Variants in VAV2 observed in about 807,000 individuals in gnomAD.
VAV2 encodes guanine nucleotide exchange factor VAV2.
In VAV2, 67 loss-of-function variants were observed where a neutral mutation model predicts 132.5. The ratio of observed to expected loss-of-function variants is 0.51; its 90% confidence interval spans 0.42 to 0.62. The LOEUF (loss-of-function observed/expected upper bound fraction) is 0.62, where lower values mean the gene tolerates loss of function less well. Among genes scored for constraint, VAV2 ranks in the 20% least tolerant of loss-of-function variants. The pLI is 0.00. For missense variants in VAV2, 938 were observed against 1,153.6 expected (o/e 0.81, Z 2.71); for synonymous variants, 492 against 443.5 (o/e 1.11, Z -1.37).
intron 6 of VAV2, among the ~76,000 whole-genome samples, chr9:133,809,399 C>G (rs2486330): frequency 0.44 from 67,354 of 152,064 alleles, 16,865 homozygotes; most frequent in African/African-American, 0.69. Context: ...GGAGGCAGAG[C>G]CTTCTAGAAT....
chr9:133,864,514 G>T (rs1036832797), intron 2 of VAV2, among the ~76,000 whole-genome samples: 1 of 152,200 alleles, frequency 6.6e-6, no homozygotes, highest in African/African-American at 2.4e-5. Context: ...ACCATGGCCT[G>T]CTCTGACCTC....
At chr9:133,916,136 C>T (rs995858824) in intron 2 of VAV2, among the ~76,000 whole-genome samples, 2 of 152,220 alleles carry the variant, frequency 1.3e-5, no homozygotes, top group South Asian at 2.1e-4. Context: ...GCACAGGCCA[C>T]GGCTGCTCCC....
chr9:133,861,294 C>T lies in VAV2; in HGVS notation c.380+80G>A, dbSNP rs1339758795. On this transcript the variant is annotated intron_variant, in intron 3 of 29. Coordinates refer to ENST00000371850, the MANE Select transcript of VAV2 (RefSeq NM_001134398.2). ...CAGGCAGAGGGCATCTGCTTCCAACCCCAGTATCTGTGACAAGGCACGCTG... is the reference window on the plus strand; with the variant it reads ...CAGGCAGAGGGCATCTGCTTCCAACTCCAGTATCTGTGACAAGGCACGCTG... 6.8e-6 allele frequency: 10 copies of T among 1,470,642 alleles called. No homozygotes were observed. In the Admixed American group the frequency reaches 8.9e-5, roughly 13 times the overall value. The allele number at this position is 1,470,642 out of a possible 1,614,324, so 91.1% of individuals were successfully genotyped here.
At chr9:133,893,561 C>T (rs1011733544) in intron 2 of VAV2, among the ~76,000 whole-genome samples, 13 of 152,328 alleles carry the variant, frequency 8.5e-5, no homozygotes, top group South Asian at 2.1e-4. Flanking sequence ...CCAAGATGGC[C>T]GACACCCACT....
chr9:133,892,955 CAA>C (rs1839038906), intron 2 of VAV2, among the ~76,000 whole-genome samples: 1 of 152,204 alleles, frequency 6.6e-6, no homozygotes, highest in African/African-American at 2.4e-5. Context: ...TGATGTCTCA[CAA>C]AAAGACTTCA....
rs532794707 is a variant in VAV2, at chr9:133,833,527, G to A, written c.449+745C>T. Among the ~76,000 whole-genome samples, 104 of 152,280 alleles carry A rather than the reference G, an allele frequency of 6.8e-4. No homozygotes were observed. Among genetic ancestry groups the A allele is most frequent in the African/African-American group, 2.2e-3 (92 of 41,574 alleles). Reference sequence around the variant, plus strand: ...CCATCTCCCGGTGGCCTGGGAGGGTGGTGGATGAGCCAGGCCGTGAGGCCC... The same window carrying A: ...CCATCTCCCGGTGGCCTGGGAGGGTAGTGGATGAGCCAGGCCGTGAGGCCC... On this transcript the variant is annotated intron_variant, in intron 4 of 29. Coordinates refer to ENST00000371850, the MANE Select transcript of VAV2 (RefSeq NM_001134398.2). The surrounding 1 kb of genome is among the most constrained non-coding windows in gnomAD (Gnocchi z 5.6).
intron 2 of VAV2, among the ~76,000 whole-genome samples, chr9:133,886,047 C>T (rs541915177): frequency 2.0e-5 from 3 of 152,264 alleles, no homozygotes; most frequent in South Asian, 2.1e-4. Context: ...AGCTGGGGGG[C>T]GGGAAGGCCC....
At chr9:133,931,818 G>A (rs1348248750) in intron 2 of VAV2, among the ~76,000 whole-genome samples, 1 of 152,222 alleles carries the variant, frequency 6.6e-6, no homozygotes, top group Non-Finnish European at 1.5e-5. Flanking sequence ...GGATCCCAAT[G>A]ACAATGCCAT....
intron 2 of VAV2, among the ~76,000 whole-genome samples, chr9:133,921,655 T>C: frequency 6.6e-6 from 1 of 152,184 alleles, no homozygotes; most frequent in East Asian, 1.9e-4. Flanking sequence ...GGGGTTAATA[T>C]CCACAATATG....
chr9:133,929,670 C>T (rs1309465767), intron 2 of VAV2, among the ~76,000 whole-genome samples: 1 of 152,126 alleles, frequency 6.6e-6, no homozygotes, highest in Non-Finnish European at 1.5e-5. Flanking sequence ...AACCCAGGGC[C>T]AGAGGGACTG....
intron 2 of VAV2, among the ~76,000 whole-genome samples, chr9:133,886,939 G>A (rs773754808): frequency 3.3e-5 from 5 of 152,222 alleles, no homozygotes; most frequent in East Asian, 1.9e-4. Context: ...GGGCAGAGGC[G>A]GCCCTTCAGG....
chr9:133,808,770 G>C (rs1026586711), intron 7 of VAV2, among the ~76,000 whole-genome samples: 1 of 152,242 alleles, frequency 6.6e-6, no homozygotes, highest in East Asian at 1.9e-4. Context: ...ATGTTCAGGA[G>C]CTGAAGCCGT....
chr9:133,917,250 C>G (rs1840125409), intron 2 of VAV2, among the ~76,000 whole-genome samples: 1 of 152,070 alleles, frequency 6.6e-6, no homozygotes, highest in Non-Finnish European at 1.5e-5. Flanking sequence ...TGATGTGAAC[C>G]CATTTTCAGG....
At position 133,797,645 on chromosome 9, in the gene VAV2, C is replaced by A. The variant is rs546456037; in HGVS notation, c.936+65G>T. The A allele has an allele frequency of 6.3e-6, 9 of 1,427,372 alleles. No homozygotes were observed. In the African/African-American group the frequency reaches 8.5e-5, roughly 13 times the overall value. The allele number at this position is 1,427,372 out of a possible 1,614,324, so 88.4% of individuals were successfully genotyped here. On this transcript the variant is annotated intron_variant, in intron 10 of 29. Coordinates refer to ENST00000371850, the MANE Select transcript of VAV2 (RefSeq NM_001134398.2). ...GGGCAAGAGAGAGGCTGGTACCTAA[C>A]GAGCTCTGGCCTGCAAGCTGCAACC...
intron 13 of VAV2, 29 bp downstream of exon 13, chr9:133,791,754 C>A (rs76660681): frequency 6.3e-7 from 1 of 1,598,692 alleles, no homozygotes; most frequent in Admixed American, 1.7e-5. Flanking sequence ...CATCGACCTT[C>A]CCTAGCCTGA....
chr9:133,895,484 C>T (rs1218645889), intron 2 of VAV2, among the ~76,000 whole-genome samples: 1 of 152,202 alleles, frequency 6.6e-6, no homozygotes, highest in Non-Finnish European at 1.5e-5. Flanking sequence ...ACTATCACGC[C>T]GACGTGAAAA....
intron 1 of VAV2, among the ~76,000 whole-genome samples, chr9:133,970,808 C>T (rs1244850670): frequency 1.3e-5 from 2 of 152,206 alleles, no homozygotes; most frequent in Non-Finnish European, 2.9e-5. Context: ...TAGCAGGCCA[C>T]TCCTCAATCA....
chr9:133,809,466 G>C (rs932476325), intron 6 of VAV2, among the ~76,000 whole-genome samples: 1 of 152,200 alleles, frequency 6.6e-6, no homozygotes, highest in African/African-American at 2.4e-5. Context: ...CTGGGGTGAG[G>C]GCCTCAGAAG....
intron 26 of VAV2, among the ~76,000 whole-genome samples, chr9:133,771,506 C>G (rs138120910): frequency 1.3e-5 from 2 of 152,328 alleles, no homozygotes; most frequent in East Asian, 3.9e-4. Flanking sequence ...ACTTTAAAAT[C>G]ATTTCAAGGA....
Sources: gnomAD v4.1 joint callset for allele counts (sites outside exome capture counted in the v4.1 genomes callset) on GRCh38, gnomAD v4.1.1 for gene constraint, Gnocchi (gnomAD v3.1) non-coding constraint, MANE v1.5 for transcripts, NCBI Gene and HGNC (gene_info 2026-07-23, HGNC 2026-07-21) for gene names.